Variants in IMMP2L observed in about 807,000 individuals in gnomAD.
The protein encoded by IMMP2L is inner mitochondrial membrane peptidase subunit 2.
A neutral mutation model predicts 19.3 loss-of-function variants in IMMP2L; 18 were observed. The ratio of observed to expected loss-of-function variants is 0.93; its 90% CI spans 0.64 to 1.38. The LOEUF is 1.38. Among genes scored for constraint, IMMP2L ranks in the 40% most tolerant of loss-of-function variants. IMMP2L has a pLI of 0.00. For missense variants in IMMP2L, 233 were observed against 218.2 expected, an observed-to-expected ratio of 1.07 and a Z score of -0.43; for synonymous variants, 76 against 73.0, an observed-to-expected ratio of 1.04 and a Z score of -0.21.
At chr7:111,224,390 A>G (rs1812857701) in intron 3 of IMMP2L, among the ~76,000 whole-genome samples, 1 of 152,110 alleles carries the variant, frequency 6.6e-6, no homozygotes, top group Non-Finnish European at 1.5e-5. Context: ...GTCACAGGAA[A>G]ATTTCCATGA....
intron 3 of IMMP2L, among the ~76,000 whole-genome samples, chr7:111,486,219 T>G (rs991963578): frequency 2.6e-5 from 4 of 152,192 alleles, no homozygotes; most frequent in African/African-American, 9.7e-5. Context: ...GAGATTTGGT[T>G]AATATGTTTT....
rs138863060 is a variant in IMMP2L, at chr7:110,769,938, CG to C, written c.409-106218del. 6.5e-3 allele frequency among the ~76,000 whole-genome samples: 989 copies of C among 152,184 alleles called. 12 individuals are homozygous for C. The highest frequency in any genetic ancestry group is 0.022 in the African/African-American group (934 of 41,540). On this transcript the variant is annotated intron_variant, in intron 5 of 5. Coordinates refer to ENST00000405709, the MANE Select transcript of IMMP2L (RefSeq NM_032549.4). Reference sequence around the variant, plus strand: ...AGCACACCAAGGATGAAAAAACCAACGGGTTGACTATCCGAACTGTTGGGTT... The same window carrying C: ...AGCACACCAAGGATGAAAAAACCAACGGTTGACTATCCGAACTGTTGGGTT...
chr7:110,856,301 A>T (rs1484730454), intron 5 of IMMP2L, among the ~76,000 whole-genome samples: 4 of 151,940 alleles, frequency 2.6e-5, no homozygotes, highest in Admixed American at 6.6e-5. Context: ...GTCAAACTTT[A>T]AAAAAAGTCC....
chr7:110,838,868 A>G (rs931924081), intron 5 of IMMP2L, among the ~76,000 whole-genome samples: 3 of 152,124 alleles, frequency 2.0e-5, no homozygotes, highest in Admixed American at 6.6e-5. Flanking sequence ...AATATATCAT[A>G]AGGATGATCT....
intron 5 of IMMP2L, among the ~76,000 whole-genome samples, chr7:110,837,401 AAG>A (rs992225276): frequency 5.9e-5 from 9 of 152,010 alleles, no homozygotes; most frequent in Non-Finnish European, 1.2e-4. Context: ...GAAAGGGAGA[AAG>A]AGCAAGAAAG....
intron 5 of IMMP2L, among the ~76,000 whole-genome samples, chr7:110,707,026 C>G (rs1387263360): frequency 1.0e-5 from 1 of 95,828 alleles, no homozygotes; most frequent in Non-Finnish European, 2.1e-5. Flanking sequence ...TTATTATACT[C>G]TAAGTTTTAG....
At chr7:110,778,248 T>C (rs972839312) in intron 5 of IMMP2L, among the ~76,000 whole-genome samples, 5 of 152,096 alleles carry the variant, frequency 3.3e-5, no homozygotes, top group Admixed American at 2.6e-4. Context: ...TTAAATTTTG[T>C]GTTTTTACAT....
At chr7:110,848,659 T>C (rs1805904844) in intron 5 of IMMP2L, among the ~76,000 whole-genome samples, 2 of 152,280 alleles carry the variant, frequency 1.3e-5, no homozygotes, top group South Asian at 2.1e-4. Context: ...GCAATCAACA[T>C]GTCTTTCAGC....
At chr7:111,015,803 A>G (rs2129564594) in intron 3 of IMMP2L, among the ~76,000 whole-genome samples, 1 of 152,242 alleles carries the variant, frequency 6.6e-6, no homozygotes, top group African/African-American at 2.4e-5. Flanking sequence ...ACTGAATTGA[A>G]TGATTTAAAA....
chr7:111,505,131 AAAAC>A (rs1844744756), intron 2 of IMMP2L, among the ~76,000 whole-genome samples: 1 of 152,056 alleles, frequency 6.6e-6, no homozygotes, highest in African/African-American at 2.4e-5. Flanking sequence ...TACAAGAAAA[AAAAC>A]AAACAACCCC....
intron 5 of IMMP2L, among the ~76,000 whole-genome samples, chr7:110,798,435 A>G (rs1230696429): frequency 6.6e-6 from 1 of 152,034 alleles, no homozygotes; most frequent in East Asian, 1.9e-4. Flanking sequence ...CACAGTGCCC[A>G]TACTACCTGA....
intron 3 of IMMP2L, among the ~76,000 whole-genome samples, chr7:111,232,962 C>T (rs949125929): frequency 8.6e-5 from 13 of 152,038 alleles, no homozygotes; most frequent in African/African-American, 3.1e-4. Flanking sequence ...ACGATGTACT[C>T]CCAATGCATC....
intron 3 of IMMP2L, among the ~76,000 whole-genome samples, chr7:111,297,656 C>T (rs945480393): frequency 3.3e-5 from 5 of 152,034 alleles, no homozygotes; most frequent in East Asian, 1.9e-4. Context: ...CTAGAAACAA[C>T]GAAAATATCC....
chr7:111,186,579 C>T (rs1010121838), intron 3 of IMMP2L, among the ~76,000 whole-genome samples: 1 of 152,042 alleles, frequency 6.6e-6, no homozygotes, highest in African/African-American at 2.4e-5. Context: ...CAGGCACGTG[C>T]CACCAAGCCT....
intron 3 of IMMP2L, among the ~76,000 whole-genome samples, chr7:111,437,646 C>A (rs377541164): frequency 6.6e-6 from 1 of 151,620 alleles, no homozygotes; most frequent in Admixed American, 6.6e-5. Context: ...TTTACTATTT[C>A]TTCTAAACCA....
intron 3 of IMMP2L, among the ~76,000 whole-genome samples, chr7:110,968,808 T>C (rs1220990992): frequency 1.3e-5 from 2 of 152,126 alleles, no homozygotes; most frequent in Admixed American, 6.6e-5. Flanking sequence ...ATCATGTAAC[T>C]AGTGAGAGAA....
chr7:111,007,849 C>A (rs2129562705), intron 3 of IMMP2L, among the ~76,000 whole-genome samples: 1 of 152,156 alleles, frequency 6.6e-6, no homozygotes, highest in Middle Eastern at 3.4e-3. Context: ...AAAACAACAT[C>A]CCAAACCAAA....
intron 3 of IMMP2L, among the ~76,000 whole-genome samples, chr7:111,133,311 T>C (rs781221457): frequency 3.3e-5 from 5 of 151,928 alleles, no homozygotes; most frequent in Admixed American, 1.3e-4. Context: ...TTACACATAT[T>C]TGGGGGGAGT....
At chr7:111,269,515 T>C (rs1393496557) in intron 3 of IMMP2L, among the ~76,000 whole-genome samples, 1 of 152,176 alleles carries the variant, frequency 6.6e-6, no homozygotes, top group Non-Finnish European at 1.5e-5. Context: ...TTTTTTCATC[T>C]TATAATTAAA....
Sources: gnomAD v4.1 joint callset for allele counts (sites outside exome capture counted in the v4.1 genomes callset) on GRCh38, gnomAD v4.1.1 for gene constraint, MANE v1.5 for transcripts, NCBI Gene and HGNC (gene_info 2026-07-23, HGNC 2026-07-21) for gene names.